TNRC18: variants seen among roughly 807,000 people sequenced by gnomAD.
TNRC18 encodes trinucleotide repeat containing 18, also known as trinucleotide repeat-containing gene 18 protein.
TNRC18 carries 69 observed loss-of-function variants against 226.7 expected under a neutral mutation model. The observed-to-expected ratio is 0.30, with a 90% confidence interval of 0.25 to 0.37. The LOEUF is 0.37. Among genes scored for constraint, TNRC18 ranks in the 10% least tolerant of loss-of-function variants. The pLI, the probability that TNRC18 is intolerant of heterozygous loss-of-function variation, is 1.00. For synonymous variants in TNRC18, 2,449 were observed against 1,927.6 expected, an observed-to-expected ratio of 1.27 and a Z score of -7.09; for missense variants, 4,754 against 4,256.6, an observed-to-expected ratio of 1.12 and a Z score of -3.25.
rs141210997 is a variant in TNRC18, at chr7:5,377,038, A to G, written c.2462-45T>C. ...CCTGAGTCAGTGCTGGGAGCCCCCA[A>G]GCGGTTTGTCCTCGGGCAGCCCCAG... is the stretch of plus-strand genomic sequence containing the variant. On this transcript the variant is annotated intron_variant, in intron 7 of 29. Coordinates refer to ENST00000430969, the MANE Select transcript of TNRC18 (RefSeq NM_001080495.3). This position sits in a 1 kb window ranked among gnomAD's most constrained non-coding sequence, Gnocchi z 5.8. The G allele has an allele frequency of 1.4e-3, 2,094 of 1,543,728 alleles. 20 individuals are homozygous for G. The African/African-American group carries it at 0.026, about 19-fold the overall frequency.
At chr7:5,331,963 G>A (rs1789567145) in intron 19 of TNRC18, among the ~76,000 whole-genome samples, 1 of 152,138 alleles carries the variant, frequency 6.6e-6, no homozygotes, top group Non-Finnish European at 1.5e-5. Context: ...CCCATTGGCA[G>A]ATGTGTTTAT....
chr7:5,311,022 G>C (rs1787140678), intron 27 of TNRC18, among the ~76,000 whole-genome samples: 1 of 151,860 alleles, frequency 6.6e-6, no homozygotes, highest in South Asian at 2.1e-4. Flanking sequence ...GCCTACGTTT[G>C]TGTACGTGTG....
rs1478850885 is a variant in TNRC18, at chr7:5,373,242, C to T, written c.3229+813G>A. Among the ~76,000 whole-genome samples the T allele has an allele frequency of 3.9e-5, 6 of 152,080 alleles. No individual in the cohort carries two copies. In the East Asian group the frequency reaches 7.8e-4, roughly 20 times the overall value. On this transcript the variant is annotated intron_variant, in intron 10 of 29. Transcript: ENST00000430969. Reference sequence around the variant, plus strand: ...GAGAGGCTGAAACAGGAGGATCGCTCGAGTCCAGGTGTTCAAGGCTGCAGT... The same window carrying T: ...GAGAGGCTGAAACAGGAGGATCGCTTGAGTCCAGGTGTTCAAGGCTGCAGT...
Position 5,324,391 on chromosome 7 carries a change from C to A in TNRC18, c.6301-36G>T. ...AACATGGCCGACAAATGACTTAGGA[C>A]CTGAACAGGGGTCCTGCCGGGTTGG... On this transcript the variant is annotated intron_variant, in intron 20 of 29. Coordinates refer to ENST00000430969, the MANE Select transcript of TNRC18 (RefSeq NM_001080495.3). The surrounding 1 kb of genome is among the most constrained non-coding windows in gnomAD (Gnocchi z 4.8). The A allele has an allele frequency of 6.2e-7, 1 of 1,609,692 alleles. No individual in the cohort carries two copies. The highest frequency in any genetic ancestry group is 1.1e-5 in the South Asian group (1 of 90,948).
chr7:5,378,308 G>C (rs772367748), intron 5 of TNRC18, among the ~76,000 whole-genome samples: 3 of 152,156 alleles, frequency 2.0e-5, no homozygotes, highest in Non-Finnish European at 4.4e-5. Flanking sequence ...CGATAATTAG[G>C]CCAACAGCCA....
chr7:5,346,586 A>C (rs1190911794), intron 17 of TNRC18, among the ~76,000 whole-genome samples: 1 of 152,178 alleles, frequency 6.6e-6, no homozygotes, highest in Non-Finnish European at 1.5e-5. Context: ...AGGCAGGAGG[A>C]TCACTTGAGC....
chr7:5,346,728 T>C (rs1791235434), intron 17 of TNRC18, among the ~76,000 whole-genome samples: 1 of 152,206 alleles, frequency 6.6e-6, no homozygotes, highest in South Asian at 2.1e-4. Flanking sequence ...TCCTCGGCCC[T>C]CTCTGAGCCT....
intron 8 of TNRC18, 82 bp downstream of exon 8, chr7:5,376,765 G>C (rs546736390): frequency 6.5e-7 from 1 of 1,527,512 alleles, no homozygotes; most frequent in East Asian, 2.4e-5. Context: ...CCACCCCTCA[G>C]CAGGAAGCCC....
chr7:5,324,084 G>C lies in TNRC18; in HGVS notation c.6442+130C>G. On this transcript the variant is annotated intron_variant, in intron 21 of 29. Transcript: ENST00000430969. The surrounding 1 kb of genome is among the most constrained non-coding windows in gnomAD (Gnocchi z 4.8). The stretch of plus-strand genomic sequence containing the variant: ...ATCGACCCGGATAACTCAGCCTCAG[G>C]ATCTCTGCTCCTGTGGTTCCCTGCC... 9.5e-7 allele frequency: 1 copy of C among 1,053,508 alleles called. No homozygotes were observed. Among genetic ancestry groups the C allele is most frequent in the Non-Finnish European group, 1.3e-6 (1 of 745,492 alleles). 65.3% of individuals were successfully genotyped at this position (1,053,508 alleles called of 1,614,324 possible). A position where few individuals can be genotyped will look rare whatever the true frequency, so the allele number is the denominator to read the frequency against.
chr7:5,356,853 A>AGAGAAGAGGG (rs1792473440), intron 16 of TNRC18, 63 bp downstream of exon 16: 1 of 1,447,854 alleles, frequency 6.9e-7, no homozygotes, highest in Non-Finnish European at 9.1e-7. Flanking sequence ...AGGACGGTGG[A>AGAGAAGAGGG]GAGAAGAGGG....
chr7:5,325,681 C>CCCAA (rs1300890750), intron 19 of TNRC18: 1 of 162,414 alleles, frequency 6.2e-6, no homozygotes, highest in Non-Finnish European at 1.3e-5. Context: ...GCCTCGGCCT[C>CCCAA]CCAAAGTGCT....
At chr7:5,349,702 A>T (rs1791581054) in intron 17 of TNRC18, among the ~76,000 whole-genome samples, 1 of 152,210 alleles carries the variant, frequency 6.6e-6, no homozygotes, top group African/African-American at 2.4e-5. Context: ...GTGAGAGCAA[A>T]TGCAAGAGAC....
intron 9 of TNRC18, among the ~76,000 whole-genome samples, chr7:5,375,659 G>C (rs570077049): frequency 6.6e-6 from 1 of 152,144 alleles, no homozygotes; most frequent in African/African-American, 2.4e-5. Flanking sequence ...GCCTCTCCGA[G>C]AGGCCACCTG....
chr7:5,354,542 A>G (rs1175327329), intron 16 of TNRC18, among the ~76,000 whole-genome samples: 1 of 151,924 alleles, frequency 6.6e-6, no homozygotes, highest in African/African-American at 2.4e-5. Context: ...AGTCTCTGGC[A>G]CTGTCTCTTC....
chr7:5,359,327 G>A (rs986086975), intron 15 of TNRC18, 71 bp downstream of exon 15: 9 of 1,531,984 alleles, frequency 5.9e-6, no homozygotes, highest in Middle Eastern at 1.8e-4. Context: ...CGAAGGGAGC[G>A]TGAACTCTTA....
chr7:5,388,023 C>T lies in TNRC18; in HGVS notation c.1801G>A (p.Ala601Thr), dbSNP rs1329070925. ...YSGSFARDAV[A>T]VRPGGCGKKS... The stretch of plus-strand genomic sequence containing the variant: ...TTGCCACAGCCACCAGGGCGCACGG[C>T]CACGGCGTCCCGGGCAAAGCTGCCA... Residue 601 changes from alanine to threonine, a missense_variant, in exon 5 of 30, where the codon GCC (alanine) becomes ACC (threonine). Physicochemically the swap from Ala to Thr is moderately conservative, Grantham distance 58. Coordinates refer to ENST00000430969, the MANE Select transcript of TNRC18 (RefSeq NM_001080495.3). 6.4e-7 allele frequency: 1 copy of T among 1,569,184 alleles called. No homozygotes were observed. Among genetic ancestry groups the T allele is most frequent in the Non-Finnish European group, 8.6e-7 (1 of 1,158,198 alleles).
At chr7:5,384,798 G>A (rs1779641857) in intron 5 of TNRC18, among the ~76,000 whole-genome samples, 1 of 152,248 alleles carries the variant, frequency 6.6e-6, no homozygotes, top group African/African-American at 2.4e-5. Context: ...GAATAAGGCA[G>A]GTTCTCATGC....
At chr7:5,385,271 G>A (rs918904721) in intron 5 of TNRC18, among the ~76,000 whole-genome samples, 3 of 152,064 alleles carry the variant, frequency 2.0e-5, no homozygotes, top group African/African-American at 7.2e-5. Flanking sequence ...CAGATCACTT[G>A]AGGTCAGGAG....
chr7:5,351,111 G>C (rs1363299215), intron 17 of TNRC18, among the ~76,000 whole-genome samples: 1 of 152,014 alleles, frequency 6.6e-6, no homozygotes, highest in African/African-American at 2.4e-5. Flanking sequence ...TGAAATGAAT[G>C]CCAATCGCTA....
Sources: gnomAD v4.1 joint callset for allele counts (sites outside exome capture counted in the v4.1 genomes callset) on GRCh38, gnomAD v4.1.1 for gene constraint, Gnocchi (gnomAD v3.1) non-coding constraint, MANE v1.5 for transcripts, NCBI Gene and HGNC (gene_info 2026-07-23, HGNC 2026-07-21) for gene names.